The following CERS6 variants were observed in gnomAD, a reference collection of about 807,000 sequenced individuals.
CERS6 encodes the protein ceramide synthase 6, also known as LAG1 homolog, ceramide synthase 6.
Under a neutral mutation model 56.8 loss-of-function variants are expected in CERS6, and 26 were observed. The ratio of observed to expected loss-of-function variants is 0.46; its 90% confidence interval spans 0.34 to 0.63. CERS6 has a LOEUF of 0.63. Ranked by LOEUF, CERS6 falls within the 30% of genes least tolerant of loss-of-function variation. CERS6 has a pLI of 0.01. For synonymous variants in CERS6, 164 were observed against 173.3 expected, an observed-to-expected ratio of 0.95 and a Z score of 0.42; for missense variants, 415 against 467.5, an observed-to-expected ratio of 0.89 and a Z score of 1.04.
Position 168,709,780 on chromosome 2 carries a change from G to A in CERS6, c.610-5221G>A, listed in dbSNP as rs190381810. Among the ~76,000 whole-genome samples, 11 of 152,270 alleles carry A rather than the reference G, an allele frequency of 7.2e-5. No homozygotes were observed. In the East Asian group the frequency reaches 1.5e-3, roughly 21 times the overall value. On this transcript the variant is annotated intron_variant, in intron 6 of 9. Transcript: ENST00000305747. Reference sequence around the variant, plus strand: ...CACTTTCAGCAGTTGCAAATATAAGGATGGAAGTTTTCCACCCTGCATTGA... The same window carrying A: ...CACTTTCAGCAGTTGCAAATATAAGAATGGAAGTTTTCCACCCTGCATTGA...
intron 3 of CERS6, among the ~76,000 whole-genome samples, chr2:168,612,583 A>G (rs1405878965): frequency 6.6e-6 from 1 of 152,228 alleles, no homozygotes; most frequent in Non-Finnish European, 1.5e-5. Flanking sequence ...CCAGAGCAAC[A>G]GTTGATTAGC....
At chr2:168,723,550 T>C (rs1253391381) in intron 8 of CERS6, among the ~76,000 whole-genome samples, 1 of 115,774 alleles carries the variant, frequency 8.6e-6, no homozygotes, top group Non-Finnish European at 1.9e-5. Flanking sequence ...TGAATTTTAT[T>C]GTATCAAATC....
chr2:168,703,022 AT>A, intron 6 of CERS6, among the ~76,000 whole-genome samples: 1 of 152,060 alleles, frequency 6.6e-6, no homozygotes, highest in South Asian at 2.1e-4. Context: ...CTTCTCACCA[AT>A]TTTTTTTGAA....
At chr2:168,730,519 C>T (rs1683496126) in intron 8 of CERS6, among the ~76,000 whole-genome samples, 1 of 152,130 alleles carries the variant, frequency 6.6e-6, no homozygotes. Flanking sequence ...CCCTTCCATG[C>T]AGTCGTCCAA....
At chr2:168,761,584 T>C (rs541516131) in intron 8 of CERS6, among the ~76,000 whole-genome samples, 9 of 152,330 alleles carry the variant, frequency 5.9e-5, no homozygotes, top group Non-Finnish European at 1.0e-4. Context: ...GAAATAAAAT[T>C]ATTCTTATTA....
intron 2 of CERS6, among the ~76,000 whole-genome samples, chr2:168,558,874 C>A (rs373879309): frequency 5.9e-4 from 90 of 151,460 alleles, no homozygotes; most frequent in African/African-American, 2.1e-3. Context: ...GTCACACACA[C>A]AAAAAAGAAA....
chr2:168,575,348 A>G (rs1259592418), intron 3 of CERS6, among the ~76,000 whole-genome samples: 1 of 152,118 alleles, frequency 6.6e-6, no homozygotes, highest in African/African-American at 2.4e-5. Context: ...GCCTTAGGAA[A>G]CTTACAATCA....
chr2:168,739,694 A>G (rs1445864174), intron 8 of CERS6, among the ~76,000 whole-genome samples: 2 of 151,892 alleles, frequency 1.3e-5, no homozygotes, highest in African/African-American at 2.4e-5. Context: ...GGAATCCTCA[A>G]TTATGACATG....
chr2:168,598,752 A>G (rs942139268), intron 3 of CERS6, among the ~76,000 whole-genome samples: 1 of 152,180 alleles, frequency 6.6e-6, no homozygotes, highest in Non-Finnish European at 1.5e-5. Flanking sequence ...TCTTTTTTTA[A>G]TCTTAATTTG....
intron 1 of CERS6, among the ~76,000 whole-genome samples, chr2:168,485,955 T>G (rs1159658935): frequency 6.6e-6 from 1 of 152,210 alleles, no homozygotes; most frequent in Admixed American, 6.5e-5. Context: ...CCAAACTGGT[T>G]GTACCATTTT....
chr2:168,640,238 G>A (rs529417144), intron 4 of CERS6, among the ~76,000 whole-genome samples: 60 of 152,272 alleles, frequency 3.9e-4, no homozygotes, highest in African/African-American at 1.2e-3. Context: ...CCTTAGGACC[G>A]TGTACTTTAC....
intron 4 of CERS6, among the ~76,000 whole-genome samples, chr2:168,669,273 C>T (rs1202825423): frequency 6.6e-6 from 1 of 152,088 alleles, no homozygotes; most frequent in Non-Finnish European, 1.5e-5. Context: ...AAACAATTCC[C>T]CAAAAGGAGG....
At chr2:168,632,040 C>T (rs1421152344) in intron 4 of CERS6, among the ~76,000 whole-genome samples, 5 of 151,096 alleles carry the variant, frequency 3.3e-5, no homozygotes, top group Admixed American at 1.3e-4. Context: ...ACTGAGGGAC[C>T]GAAATCTATG....
chr2:168,658,902 T>C (rs1270023074), intron 4 of CERS6, among the ~76,000 whole-genome samples: 8 of 152,196 alleles, frequency 5.3e-5, no homozygotes, highest in Non-Finnish European at 1.2e-4. Context: ...TGAGTTACAT[T>C]TGGCATGGTG....
intron 3 of CERS6, among the ~76,000 whole-genome samples, chr2:168,615,982 A>G (rs1684307800): frequency 6.6e-6 from 1 of 152,214 alleles, no homozygotes. Context: ...AGCACCAGGT[A>G]ACCTATAAAG....
chr2:168,721,962 A>T (rs955342884), intron 8 of CERS6, among the ~76,000 whole-genome samples: 1 of 152,082 alleles, frequency 6.6e-6, no homozygotes, highest in Non-Finnish European at 1.5e-5. Context: ...TTTACATCTG[A>T]CCAGCAATGT....
rs73018593 is a variant in CERS6, at chr2:168,518,907, G to A, written c.171-28689G>A. Among the ~76,000 whole-genome samples, 1,503 of 151,998 alleles carry A rather than the reference G, an allele frequency of 9.9e-3. 23 individuals carry two copies. The highest frequency in any genetic ancestry group is 0.034 in the African/African-American group (1,392 of 41,412). ...TCTCTCCCAAGTGTCTTTGTTCCCC[G>A]TGGCCCTCCTCCCACCCACCTCCTT... On this transcript the variant is annotated intron_variant, in intron 1 of 9. Coordinates refer to ENST00000305747, the MANE Select transcript of CERS6 (RefSeq NM_203463.3).
chr2:168,624,052 A>C (rs1639997471), intron 3 of CERS6, among the ~76,000 whole-genome samples: 1 of 152,202 alleles, frequency 6.6e-6, no homozygotes, highest in South Asian at 2.1e-4. Context: ...CCTCTGATTT[A>C]TGTGGACAGA....
intron 4 of CERS6, among the ~76,000 whole-genome samples, chr2:168,689,136 A>G (rs1686432089): frequency 1.3e-5 from 2 of 152,176 alleles, no homozygotes; most frequent in African/African-American, 4.8e-5. Flanking sequence ...TTGCATTTCC[A>G]TTCTGTATTC....
Sources: gnomAD v4.1 joint callset for allele counts (sites outside exome capture counted in the v4.1 genomes callset) on GRCh38, gnomAD v4.1.1 for gene constraint, MANE v1.5 for transcripts, NCBI Gene and HGNC (gene_info 2026-07-23, HGNC 2026-07-21) for gene names.